PLCG2: variants seen among roughly 807,000 people sequenced by gnomAD.
The protein encoded by PLCG2 is phospholipase C gamma 2, also known as 1-phosphatidylinositol 4,5-bisphosphate phosphodiesterase gamma-2.
In PLCG2, 69 loss-of-function variants were observed where a neutral mutation model predicts 175.6. The observed-to-expected ratio is 0.39, with a 90% CI of 0.32 to 0.48. PLCG2 has a LOEUF of 0.48. Ranked by LOEUF, PLCG2 falls within the 20% of genes least tolerant of loss-of-function variation. The probability of loss-of-function intolerance (pLI) is 0.91; values close to 1 mark genes in which losing one functional copy is unlikely to be tolerated. For missense variants in PLCG2, 1,798 were observed against 1,650.9 expected (o/e 1.09, Z -1.54); for synonymous variants, 827 against 624.0 (o/e 1.33, Z -4.85).
At chr16:81,739,971 C>T (rs148675098) in intron 1 of PLCG2, among the ~76,000 whole-genome samples, 2,456 of 143,948 alleles carry the variant, frequency 0.017, 29 homozygotes, top group Middle Eastern at 0.04. Context: ...AACCCTGTCT[C>T]TACTAAAAGT....
At chr16:81,918,833 G>A (rs888735373) in intron 19 of PLCG2, among the ~76,000 whole-genome samples, 18 of 152,044 alleles carry the variant, frequency 1.2e-4, no homozygotes, top group African/African-American at 4.1e-4. Flanking sequence ...AACCAAGGAG[G>A]CTCTTCTGTT....
At chr16:81,824,941 T>C (rs1042920486) in intron 2 of PLCG2, among the ~76,000 whole-genome samples, 2 of 152,052 alleles carry the variant, frequency 1.3e-5, no homozygotes, top group African/African-American at 4.8e-5. Flanking sequence ...AAGAGGAAGG[T>C]AGGAGGTCAC....
At chr16:81,889,741 G>A (rs1432838121) in intron 10 of PLCG2, among the ~76,000 whole-genome samples, 2 of 151,904 alleles carry the variant, frequency 1.3e-5, no homozygotes, top group Admixed American at 6.6e-5. Context: ...TGCAACCTCC[G>A]CCTCCCAGGT....
At chr16:81,813,166 T>C (rs987915352) in intron 2 of PLCG2, among the ~76,000 whole-genome samples, 6 of 152,232 alleles carry the variant, frequency 3.9e-5, no homozygotes, top group African/African-American at 1.4e-4. Flanking sequence ...GTCTCTTTTT[T>C]GGTTCCATAT....
intron 2 of PLCG2, among the ~76,000 whole-genome samples, chr16:81,818,508 A>G (rs1396740862): frequency 6.6e-6 from 1 of 152,026 alleles, no homozygotes; most frequent in Non-Finnish European, 1.5e-5. Context: ...CTCTGCTTGC[A>G]TCTTGGGGAT....
chr16:81,900,419 T>C (rs190083828), intron 13 of PLCG2, among the ~76,000 whole-genome samples, 193 bp from the exon 14 acceptor site: 293 of 152,366 alleles, frequency 1.9e-3, no homozygotes, highest in Middle Eastern at 0.017. Flanking sequence ...ATCGCAGCTG[T>C]TCTGAGTCCC....
chr16:81,770,830 G>C (rs140193596), intron 2 of PLCG2, among the ~76,000 whole-genome samples: 5 of 152,222 alleles, frequency 3.3e-5, no homozygotes, highest in African/African-American at 1.2e-4. Flanking sequence ...GGGCCGAGGC[G>C]GGCGGATCGT....
intron 2 of PLCG2, among the ~76,000 whole-genome samples, chr16:81,819,947 T>A (rs1904722050): frequency 6.6e-6 from 1 of 152,190 alleles, no homozygotes; most frequent in Non-Finnish European, 1.5e-5. Context: ...AAATGCAGAT[T>A]CATTCTAGAA....
chr16:81,958,016 T>C lies in PLCG2; in HGVS notation c.*18T>C. On this transcript the variant is annotated 3_prime_UTR_variant, in exon 33 of 33. Coordinates refer to ENST00000564138, the MANE Select transcript of PLCG2 (RefSeq NM_002661.5). ...ACTCATAGAAGCTGGGGTATGTGTG[T>C]AAGGGTATTGTGTGTGTGCGCATGT... 6.3e-7 allele frequency: 1 copy of C among 1,586,998 alleles called. No homozygotes were observed. The highest frequency in any genetic ancestry group is 2.2e-5 in the East Asian group (1 of 44,774).
At chr16:81,865,062 C>G (rs554547154) in intron 5 of PLCG2, among the ~76,000 whole-genome samples, 94 of 152,242 alleles carry the variant, frequency 6.2e-4, no homozygotes, top group African/African-American at 2.2e-3. Flanking sequence ...AGGAAGGCAG[C>G]TGGAACAGGC....
chr16:81,781,054 C>G (rs531849365), intron 1 of PLCG2, among the ~76,000 whole-genome samples: 1 of 151,962 alleles, frequency 6.6e-6, no homozygotes, highest in South Asian at 2.1e-4. Context: ...AACAAACACA[C>G]ACAAACACTT....
chr16:81,859,218 C>T, intron 5 of PLCG2, 55 bp downstream of exon 5: 1 of 1,155,816 alleles, frequency 8.7e-7, no homozygotes, highest in Non-Finnish European at 1.3e-6. Flanking sequence ...CTCATTCTAT[C>T]TTTAAACCTT....
chr16:81,864,088 C>G (rs1017953290), intron 5 of PLCG2, among the ~76,000 whole-genome samples: 2 of 152,112 alleles, frequency 1.3e-5, no homozygotes, highest in African/African-American at 4.8e-5. Flanking sequence ...TTAGGGCTGT[C>G]TAGAGGGCAA....
intron 1 of PLCG2, among the ~76,000 whole-genome samples, chr16:81,752,881 C>G (rs1017621732): frequency 2.0e-5 from 3 of 152,226 alleles, no homozygotes; most frequent in African/African-American, 7.2e-5. Flanking sequence ...TGGCTCCAGG[C>G]CTTGCACTGC....
chr16:81,813,394 G>A (rs563899267), intron 2 of PLCG2, among the ~76,000 whole-genome samples: 11 of 152,236 alleles, frequency 7.2e-5, no homozygotes, highest in Non-Finnish European at 1.5e-4. Flanking sequence ...CACATCCCTT[G>A]TAAGTTGTAT....
At chr16:81,785,209 G>T (rs1007529121) in intron 1 of PLCG2, among the ~76,000 whole-genome samples, 1 of 152,150 alleles carries the variant, frequency 6.6e-6, no homozygotes, top group Non-Finnish European at 1.5e-5. Context: ...CCACCCACAA[G>T]CATAAACAGC....
chr16:81,905,502 G>T lies in PLCG2; in HGVS notation c.1462G>T (p.Asp488Tyr). 6.2e-7 allele frequency: 1 copy of T among 1,612,700 alleles called. No homozygotes were observed. Among genetic ancestry groups the T allele is most frequent in the South Asian group, 1.1e-5 (1 of 91,022 alleles). The change falls in exon 15 of 33, where the codon GAC becomes TAC. Residue 488 changes from aspartate (D) to tyrosine (Y), a missense_variant. Coordinates refer to ENST00000564138, the MANE Select transcript of PLCG2 (RefSeq NM_002661.5). ...QGELYMWDSIDQKWTRHYCAI... is the reference protein window; with the variant it reads ...QGELYMWDSIYQKWTRHYCAI... ...GGAGCTGTACATGTGGGATTCCATT[G>T]ACCAGGTGGGCCTTGGTCCCTTCCC...
intron 2 of PLCG2, among the ~76,000 whole-genome samples, chr16:81,838,522 C>G (rs990673843): frequency 6.6e-6 from 1 of 151,976 alleles, no homozygotes; most frequent in Non-Finnish European, 1.5e-5. Context: ...GAAAACCAAA[C>G]GCCGCATGTT....
intron 24 of PLCG2, among the ~76,000 whole-genome samples, chr16:81,929,568 G>A (rs1910417144): frequency 6.6e-6 from 1 of 151,658 alleles, no homozygotes; most frequent in African/African-American, 2.4e-5. Context: ...GCTAATTTTT[G>A]TATTTTTAGT....
Sources: gnomAD v4.1 joint callset for allele counts (sites outside exome capture counted in the v4.1 genomes callset) on GRCh38, gnomAD v4.1.1 for gene constraint, MANE v1.5 for transcripts, NCBI Gene and HGNC (gene_info 2026-07-23, HGNC 2026-07-21) for gene names.